The following ANKHD1 variants were observed in gnomAD, a reference collection of about 807,000 sequenced individuals.
The protein encoded by ANKHD1 is ankyrin repeat and KH domain-containing protein 1.
ANKHD1 carries 31 observed loss-of-function variants against 230.5 expected under a neutral mutation model. That is an observed-to-expected ratio of 0.13 (90% CI 0.10 to 0.18). The LOEUF (loss-of-function observed/expected upper bound fraction) is 0.18. Ranked by LOEUF, ANKHD1 falls within the 10% of genes least tolerant of loss-of-function variation. The pLI, the probability that ANKHD1 is intolerant of heterozygous loss-of-function variation, is 1.00. For missense variants in ANKHD1, 2,256 were observed against 3,071.3 expected, an observed-to-expected ratio of 0.73 and a Z score of 6.27; for synonymous variants, 1,074 against 1,117.6, an observed-to-expected ratio of 0.96 and a Z score of 0.78.
Position 140,513,402 on chromosome 5 carries a change from G to A in ANKHD1, c.4240G>A (p.Val1414Met). The change falls in exon 24 of 34, where the codon GTG (valine) becomes ATG (methionine). Residue 1414 changes from valine (V) to methionine (M), a missense_variant. Coordinates refer to ENST00000360839, the MANE Select transcript of ANKHD1 (RefSeq NM_017747.3). ...KKCHQCVETI[V>M]KAKDQQAAEA... ...ATGTCATCAATGTGTCGAAACCATT[G>A]TGAAGGCTAAAGACCAGCAAGCTGC... The A allele has an allele frequency of 6.2e-7, 1 of 1,613,150 alleles. No individual in the cohort carries two copies. The highest frequency in any genetic ancestry group is 2.2e-5 in the East Asian group (1 of 44,842).
chr5:140,512,687 C>T, intron 22 of ANKHD1, 141 bp from the exon 23 acceptor site: 8 of 610,268 alleles, frequency 1.3e-5, no homozygotes, highest in East Asian at 3.5e-5. Flanking sequence ...AAGTATTTGC[C>T]TTTTTATTCT....
chr5:140,459,035 TGA>T, intron 8 of ANKHD1, 127 bp from the exon 9 acceptor site: 1 of 277,878 alleles, frequency 3.6e-6, no homozygotes, highest in Non-Finnish European at 5.7e-6. Flanking sequence ...TATATTGCAT[TGA>T]TGATAAATTA....
intron 10 of ANKHD1, among the ~76,000 whole-genome samples, chr5:140,467,884 C>A (rs954531737): frequency 1.3e-5 from 2 of 151,868 alleles, no homozygotes; most frequent in Non-Finnish European, 2.9e-5. Flanking sequence ...TCTTACTTGT[C>A]CTTCATTCTT....
rs191328642 is a variant in ANKHD1, at chr5:140,416,113, A to G, written c.306+13840A>G. Among the ~76,000 whole-genome samples, 6 of 152,290 alleles carry G rather than the reference A, an allele frequency of 3.9e-5. No homozygotes were observed. In the East Asian group the frequency reaches 9.6e-4, roughly 24 times the overall value. ...TCATCCATGTCCCTACAAAGGATACAAACTCATCCTTTCTTATGGCTGCAT... is the reference window on the plus strand; with the variant it reads ...TCATCCATGTCCCTACAAAGGATACGAACTCATCCTTTCTTATGGCTGCAT... On this transcript the variant is annotated intron_variant, in intron 1 of 33. Coordinates refer to ENST00000360839, the MANE Select transcript of ANKHD1 (RefSeq NM_017747.3).
chr5:140,537,986 G>T (rs1754154804), intron 31 of ANKHD1, 100 bp from the exon 32 acceptor site: 2 of 1,476,482 alleles, frequency 1.4e-6, no homozygotes. Context: ...TCAGAGGAAA[G>T]ATTTCAGTAA....
At chr5:140,447,355 A>G (rs1454258054) in intron 6 of ANKHD1, among the ~76,000 whole-genome samples, 2 of 151,846 alleles carry the variant, frequency 1.3e-5, no homozygotes, top group African/African-American at 4.8e-5. Flanking sequence ...GACTCACACC[A>G]CCATACCCAG....
At chr5:140,433,640 TATC>T (rs1389247074) in intron 1 of ANKHD1, among the ~76,000 whole-genome samples, 1 of 152,194 alleles carries the variant, frequency 6.6e-6, no homozygotes, top group East Asian at 1.9e-4. Flanking sequence ...ATTTTTGTAT[TATC>T]ATAGTGAGAG....
At chr5:140,416,472 C>A (rs993950646) in intron 1 of ANKHD1, among the ~76,000 whole-genome samples, 24 of 152,168 alleles carry the variant, frequency 1.6e-4, no homozygotes, top group Middle Eastern at 3.4e-3. Flanking sequence ...CATTGAATGG[C>A]CTTGGCATCC....
chr5:140,455,969 C>T (rs1394902513), intron 7 of ANKHD1, among the ~76,000 whole-genome samples: 8 of 152,132 alleles, frequency 5.3e-5, no homozygotes, highest in African/African-American at 1.4e-4. Context: ...AAAACCCCAT[C>T]GTCTCAGCCA....
At chr5:140,522,902 T>C (rs1366789557) in intron 24 of ANKHD1, among the ~76,000 whole-genome samples, 1 of 152,130 alleles carries the variant, frequency 6.6e-6, no homozygotes, top group Non-Finnish European at 1.5e-5. Flanking sequence ...TTGGATTTGA[T>C]TTTCCCTGAT....
chr5:140,437,856 A>G (rs1773567885), intron 2 of ANKHD1, among the ~76,000 whole-genome samples: 1 of 152,248 alleles, frequency 6.6e-6, no homozygotes, highest in African/African-American at 2.4e-5. Context: ...CATAAATGAA[A>G]AATACCTCAC....
Position 140,485,263 on chromosome 5 carries a change from A to C in ANKHD1, c.1998+15A>C. On this transcript the variant is annotated intron_variant, in intron 12 of 33. Transcript: ENST00000360839. The surrounding 1 kb of genome is among the most constrained non-coding windows in gnomAD (Gnocchi z 4.8). ...ATCGACTCAAGGTAGTCTACTTAAA[A>C]ATAAGTAAACAGGCTGTGTGCGGTG... 1 of 1,605,234 alleles carries C rather than the reference A, an allele frequency of 6.2e-7. No individual in the cohort carries two copies. The highest frequency in any genetic ancestry group is 1.1e-5 in the South Asian group (1 of 90,760).
intron 22 of ANKHD1, among the ~76,000 whole-genome samples, chr5:140,512,155 G>C (rs1174224825): frequency 6.6e-6 from 1 of 151,238 alleles, no homozygotes; most frequent in Non-Finnish European, 1.5e-5. Flanking sequence ...AGAGTTGCTA[G>C]AACCCGGGAG....
intron 29 of ANKHD1, among the ~76,000 whole-genome samples, chr5:140,531,994 A>G (rs1239051128): frequency 1.3e-5 from 2 of 151,990 alleles, no homozygotes; most frequent in Admixed American, 6.5e-5. Context: ...GGATCATGAG[A>G]TCAGAAGTTC....
In ANKHD1 at chr5:140,464,658, G is replaced by T. The variant is rs1299131699; in HGVS notation, c.1673-9G>T. On this transcript the variant is annotated splice_polypyrimidine_tract_variant and intron_variant, in intron 9 of 33. Coordinates refer to ENST00000360839, the MANE Select transcript of ANKHD1 (RefSeq NM_017747.3). ...TCACAAAGTAAATGTATGCTTTTTT[G>T]TTTGCTAGGCGCTAATGTGCATGCT... 12 of 1,519,998 alleles carry T rather than the reference G, an allele frequency of 7.9e-6. No individual in the cohort carries two copies. Among genetic ancestry groups the T allele is most frequent in the African/African-American group, 4.1e-5 (3 of 72,646 alleles). 94.2% of individuals were successfully genotyped at this position (1,519,998 alleles called of 1,614,324 possible).
At chr5:140,411,005 T>A (rs1770879511) in intron 1 of ANKHD1, among the ~76,000 whole-genome samples, 1 of 152,208 alleles carries the variant, frequency 6.6e-6, no homozygotes, top group Admixed American at 6.6e-5. Context: ...TTATTTTGCT[T>A]CAAATTAAGA....
chr5:140,511,475 T>C (rs1405036097), intron 22 of ANKHD1, among the ~76,000 whole-genome samples: 7 of 152,212 alleles, frequency 4.6e-5, no homozygotes, highest in African/African-American at 1.7e-4. Context: ...TCAAAGAGTA[T>C]TTCTCTAACA....
intron 10 of ANKHD1, among the ~76,000 whole-genome samples, chr5:140,475,108 A>G (rs1380059890): frequency 6.6e-6 from 1 of 152,214 alleles, no homozygotes; most frequent in Non-Finnish European, 1.5e-5. Context: ...GTTATTGTGT[A>G]TTGAATGAGT....
At chr5:140,436,670 C>T (rs767923887) in intron 2 of ANKHD1, among the ~76,000 whole-genome samples, 1 of 151,412 alleles carries the variant, frequency 6.6e-6, no homozygotes, top group Non-Finnish European at 1.5e-5. Context: ...TGCTTGAACC[C>T]TAGAGGGGGA....
Sources: gnomAD v4.1 joint callset for allele counts (sites outside exome capture counted in the v4.1 genomes callset) on GRCh38, gnomAD v4.1.1 for gene constraint, Gnocchi (gnomAD v3.1) non-coding constraint, MANE v1.5 for transcripts, NCBI Gene and HGNC (gene_info 2026-07-23, HGNC 2026-07-21) for gene names.